The following CSGALNACT1 variants were observed in gnomAD, a reference collection of about 807,000 sequenced individuals.
CSGALNACT1 encodes beta4GalNAcT-1.
A neutral mutation model predicts 51.0 loss-of-function variants in CSGALNACT1; 52 were observed. The observed-to-expected ratio is 1.02, with a 90% CI of 0.82 to 1.29. The LOEUF (loss-of-function observed/expected upper bound fraction) is 1.29, where lower values mean the gene tolerates loss of function less well. Among genes scored for constraint, CSGALNACT1 ranks in the 50% most tolerant of loss-of-function variants. CSGALNACT1 has a pLI of 0.00. For missense variants in CSGALNACT1, 935 were observed against 679.2 expected (o/e 1.38, Z -4.19); for synonymous variants, 341 against 254.4 (o/e 1.34, Z -3.24).
intron 3 of CSGALNACT1, among the ~76,000 whole-genome samples, chr8:19,521,453 T>C (rs942676684): frequency 2.6e-5 from 4 of 152,088 alleles, no homozygotes; most frequent in Non-Finnish European, 5.9e-5. Flanking sequence ...GAGGCTGAAG[T>C]GGGTACATCA....
intron 1 of CSGALNACT1, among the ~76,000 whole-genome samples, chr8:19,646,275 C>G (rs1476960876): frequency 6.6e-6 from 1 of 152,122 alleles, no homozygotes; most frequent in African/African-American, 2.4e-5. Context: ...AATGACCTTG[C>G]CGAGAGAGAA....
intron 1 of CSGALNACT1, among the ~76,000 whole-genome samples, chr8:19,754,379 C>T (rs1235247687): frequency 6.6e-6 from 1 of 152,108 alleles, no homozygotes; most frequent in Non-Finnish European, 1.5e-5. Flanking sequence ...TGAAAAACAA[C>T]TTTTTTGCTG....
intron 1 of CSGALNACT1, among the ~76,000 whole-genome samples, chr8:19,695,743 T>G (rs528605905): frequency 6.6e-6 from 1 of 152,342 alleles, no homozygotes; most frequent in East Asian, 1.9e-4. Context: ...TAAGCTTTCA[T>G]GTGATATCAT....
In CSGALNACT1 at chr8:19,618,823, A is replaced by G. The variant is rs2053433035; in HGVS notation, c.-543-16958T>C. 2.6e-5 allele frequency among the ~76,000 whole-genome samples: 4 copies of G among 152,068 alleles called. No individual in the cohort carries two copies. In the South Asian group the frequency reaches 8.3e-4, roughly 32 times the overall value. ...ACAGCTGCATCTCTAAGTGCCTTCT[A>G]AATTTCTCCTTCCTGCTGGATTTAC... On this transcript the variant is annotated intron_variant, in intron 1 of 9. Coordinates refer to the CSGALNACT1 transcript ENST00000332246.
chr8:19,603,446 C>T (rs1040830685), upstream of CSGALNACT1, among the ~76,000 whole-genome samples: 19 of 152,178 alleles, frequency 1.2e-4, no homozygotes, highest in Admixed American at 6.5e-4. Flanking sequence ...GCGGTGCCTG[C>T]GCGGCTCCCA....
intron 5 of CSGALNACT1, among the ~76,000 whole-genome samples, chr8:19,440,248 C>G (rs1291456763): frequency 6.6e-6 from 1 of 152,172 alleles, no homozygotes; most frequent in Non-Finnish European, 1.5e-5. Flanking sequence ...CTTGGGGTCC[C>G]TGGTTCTTAC....
chr8:19,609,025 T>C (rs1374371889), intron 1 of CSGALNACT1, among the ~76,000 whole-genome samples: 2 of 152,110 alleles, frequency 1.3e-5, no homozygotes, highest in Admixed American at 6.5e-5. Flanking sequence ...ATGCTCCAAC[T>C]GCAAGGGAAT....
intron 1 of CSGALNACT1, among the ~76,000 whole-genome samples, chr8:19,650,334 C>T (rs775240033): frequency 2.0e-5 from 3 of 152,078 alleles, no homozygotes; most frequent in Non-Finnish European, 4.4e-5. Context: ...AAACTGTGAG[C>T]AGTGTGAAAT....
chr8:19,691,887 A>G (rs1285530557), intron 1 of CSGALNACT1, among the ~76,000 whole-genome samples: 1 of 144,050 alleles, frequency 6.9e-6, no homozygotes, highest in Admixed American at 7.3e-5. Context: ...ACTGTATTGC[A>G]CCGTTTTCAC....
rs190100350 is a variant in CSGALNACT1, at chr8:19,691,147, T to C, written c.-297+66703A>G. Among the ~76,000 whole-genome samples the C allele has an allele frequency of 1.1e-4, 16 of 152,218 alleles. No individual in the cohort carries two copies. The East Asian group carries it at 1.2e-3, about 11-fold the overall frequency. On this transcript the variant is annotated intron_variant, in intron 1 of 1. Coordinates refer to the CSGALNACT1 transcript ENST00000517494. ...CTCTGCGGCTTATCATAAAATGAAA[T>C]GTCAGCCAAGGCAAGAGGCCACGCC... is the stretch of plus-strand genomic sequence containing the variant.
chr8:19,684,653 A>G (rs374561567), upstream of CSGALNACT1, among the ~76,000 whole-genome samples: 32 of 152,178 alleles, frequency 2.1e-4, no homozygotes, highest in African/African-American at 7.5e-4. Flanking sequence ...AGGCCAAAGA[A>G]GCTTAAACAG....
intron 1 of CSGALNACT1, among the ~76,000 whole-genome samples, chr8:19,714,655 A>G (rs2062701588): frequency 6.6e-6 from 1 of 151,982 alleles, no homozygotes; most frequent in African/African-American, 2.4e-5. Context: ...TAGAGCCTTT[A>G]GCTTATTAAT....
At chr8:19,631,837 T>C (rs990333067) in intron 1 of CSGALNACT1, among the ~76,000 whole-genome samples, 1 of 152,200 alleles carries the variant, frequency 6.6e-6, no homozygotes, top group Admixed American at 6.5e-5. Context: ...CTAAATTACT[T>C]TGTGCTATTT....
intron 3 of CSGALNACT1, among the ~76,000 whole-genome samples, chr8:19,522,287 T>G (rs2080888768): frequency 6.6e-6 from 1 of 151,670 alleles, no homozygotes; most frequent in Non-Finnish European, 1.5e-5. Flanking sequence ...GGTACAGAGC[T>G]GGTAGAAAGC....
chr8:19,409,131 A>C (rs987998864), intron 8 of CSGALNACT1, among the ~76,000 whole-genome samples: 5 of 152,192 alleles, frequency 3.3e-5, no homozygotes, highest in African/African-American at 2.4e-5. Context: ...CAGGAAGTTG[A>C]GAAAAGGGAT....
At chr8:19,712,982 C>T (rs1313566902) in intron 1 of CSGALNACT1, among the ~76,000 whole-genome samples, 4 of 152,062 alleles carry the variant, frequency 2.6e-5, no homozygotes, top group South Asian at 2.1e-4. Context: ...ACCCTCAAAA[C>T]GAAAAAATAC....
intron 6 of CSGALNACT1, among the ~76,000 whole-genome samples, chr8:19,437,082 CAG>C (rs1275146500): frequency 6.6e-6 from 1 of 151,994 alleles, no homozygotes; most frequent in Non-Finnish European, 1.5e-5. Context: ...AATCTAGTTG[CAG>C]ACTTAGGACA....
chr8:19,697,636 G>A (rs2061651430), intron 1 of CSGALNACT1, among the ~76,000 whole-genome samples: 1 of 152,152 alleles, frequency 6.6e-6, no homozygotes, highest in Non-Finnish European at 1.5e-5. Flanking sequence ...CCCTGTACAA[G>A]GTACCCAGCA....
chr8:19,738,409 T>C (rs1292232933), intron 1 of CSGALNACT1, among the ~76,000 whole-genome samples: 1 of 152,164 alleles, frequency 6.6e-6, no homozygotes, highest in East Asian at 1.9e-4. Context: ...TCCATGTATA[T>C]GAAGTTCTTA....
Sources: allele counts gnomAD v4.1 joint callset (sites outside exome capture counted in the v4.1 genomes callset), GRCh38; gene constraint gnomAD v4.1.1; transcripts MANE v1.5; gene names NCBI Gene and HGNC (gene_info 2026-07-23, HGNC 2026-07-21).